The following DOCK4 variants were observed in gnomAD, a reference collection of about 807,000 sequenced individuals.
DOCK4 encodes dedicator of cytokinesis 4, also known as dedicator of cytokinesis protein 4.
DOCK4 carries 97 observed loss-of-function variants against 268.1 expected under a neutral mutation model. The ratio of observed to expected loss-of-function variants is 0.36; its 90% CI spans 0.31 to 0.43. The LOEUF is 0.43. DOCK4 is among the 20% of genes least tolerant of loss of function. The pLI, the probability that DOCK4 is intolerant of heterozygous loss-of-function variation, is 1.00. For synonymous variants in DOCK4, 954 were observed against 887.2 expected, an observed-to-expected ratio of 1.08 and a Z score of -1.34; for missense variants, 2,145 against 2,455.7, an observed-to-expected ratio of 0.87 and a Z score of 2.67.
intron 42 of DOCK4, among the ~76,000 whole-genome samples, chr7:111,749,734 T>C (rs1796506380): frequency 6.6e-6 from 1 of 152,204 alleles, no homozygotes; most frequent in Non-Finnish European, 1.5e-5. Context: ...AAAACATATC[T>C]TCACTTAGCA....
intron 52 of DOCK4, among the ~76,000 whole-genome samples, chr7:111,730,309 TCAGTC>T (rs775825243): frequency 2.0e-5 from 3 of 152,240 alleles, no homozygotes; most frequent in Admixed American, 6.5e-5. Context: ...ATAATTTTGT[TCAGTC>T]CAGTGTTTTC....
In DOCK4 at chr7:111,949,467, T is replaced by A. The variant is rs181232698; in HGVS notation, c.702-3669A>T. Among the ~76,000 whole-genome samples, 112 of 152,322 alleles carry A rather than the reference T, an allele frequency of 7.4e-4. 1 individual carries two copies. In the South Asian group the frequency reaches 0.017, roughly 23 times the overall value. ...ACACAGAATCCTGATTATGCAAGTATTATACTATATCATATCCTGTTTCAG... is the reference window on the plus strand; with the variant it reads ...ACACAGAATCCTGATTATGCAAGTAATATACTATATCATATCCTGTTTCAG... On this transcript the variant is annotated intron_variant, in intron 8 of 52. Transcript: ENST00000428084.
At chr7:111,760,557 G>A (rs1049600359) in intron 39 of DOCK4, among the ~76,000 whole-genome samples, 3 of 152,052 alleles carry the variant, frequency 2.0e-5, no homozygotes, top group Admixed American at 6.6e-5. Flanking sequence ...CACTCTTCCC[G>A]GTTCACTTGC....
intron 1 of DOCK4, among the ~76,000 whole-genome samples, chr7:112,131,619 A>ATGTG (rs1813806905): frequency 6.6e-6 from 1 of 152,224 alleles, no homozygotes; most frequent in African/African-American, 2.4e-5. Context: ...GAAACAGCTA[A>ATGTG]AATGTGATAC....
chr7:111,961,071 C>G (rs1562939382), intron 8 of DOCK4, among the ~76,000 whole-genome samples: 1 of 152,082 alleles, frequency 6.6e-6, no homozygotes, highest in Non-Finnish European at 1.5e-5. Context: ...ATCCCTATCA[C>G]ACGTTTGCTC....
chr7:112,081,821 G>A (rs1210688216), intron 1 of DOCK4, among the ~76,000 whole-genome samples: 1 of 152,076 alleles, frequency 6.6e-6, no homozygotes, highest in East Asian at 1.9e-4. Flanking sequence ...ATAAAAAGAG[G>A]GAAAACTATC....
chr7:111,903,933 A>T (rs1791354505), intron 13 of DOCK4, among the ~76,000 whole-genome samples: 1 of 152,260 alleles, frequency 6.6e-6, no homozygotes, highest in Admixed American at 6.5e-5. Flanking sequence ...GTATAGCTAC[A>T]GGGGTTGTTA....
At chr7:111,852,420 C>T (rs1272925709) in intron 23 of DOCK4, among the ~76,000 whole-genome samples, 2 of 151,302 alleles carry the variant, frequency 1.3e-5, no homozygotes. Context: ...TAAAATAATT[C>T]ATTGCAAGCC....
chr7:112,119,757 G>A (rs562775560), intron 1 of DOCK4, among the ~76,000 whole-genome samples: 2 of 152,066 alleles, frequency 1.3e-5, no homozygotes, highest in South Asian at 4.2e-4. Context: ...GATAATAATG[G>A]AACCCATCTC....
chr7:111,916,991 T>TTG (rs1183049716), intron 12 of DOCK4, among the ~76,000 whole-genome samples: 1 of 92,310 alleles, frequency 1.1e-5, no homozygotes, highest in African/African-American at 3.7e-5. Flanking sequence ...TTTTTTTTTT[T>TTG]TTTTTTTTTT....
At chr7:111,860,245 G>A (rs937474106) in intron 23 of DOCK4, among the ~76,000 whole-genome samples, 1 of 152,212 alleles carries the variant, frequency 6.6e-6, no homozygotes, top group African/African-American at 2.4e-5. Flanking sequence ...AAAGTCACTA[G>A]AAGCACTTTC....
chr7:112,062,610 GT>G (rs982166404), intron 1 of DOCK4, among the ~76,000 whole-genome samples: 13 of 152,124 alleles, frequency 8.5e-5, no homozygotes, highest in Non-Finnish European at 1.6e-4. Flanking sequence ...AAACAATCCT[GT>G]CTGCATCAAT....
At chr7:112,117,442 C>T (rs1374017700) in intron 1 of DOCK4, among the ~76,000 whole-genome samples, 2 of 152,156 alleles carry the variant, frequency 1.3e-5, no homozygotes, top group Non-Finnish European at 2.9e-5. Context: ...GTGGTCTCAG[C>T]TCACTGCAGC....
intron 35 of DOCK4, among the ~76,000 whole-genome samples, chr7:111,778,917 T>C (rs190339817): frequency 1.3e-5 from 2 of 152,014 alleles, no homozygotes; most frequent in Non-Finnish European, 2.9e-5. Flanking sequence ...TAGCTGGGTG[T>C]GGTGGCACAC....
intron 1 of DOCK4, among the ~76,000 whole-genome samples, chr7:112,182,397 T>C (rs559498358): frequency 1.3e-5 from 2 of 152,340 alleles, no homozygotes; most frequent in East Asian, 3.9e-4. Flanking sequence ...ACATAAATGA[T>C]GTGATCACAT....
At position 111,942,607 on chromosome 7, in the gene DOCK4, G is replaced by A. The variant is rs143134078; in HGVS notation, c.844+2204C>T. Among the ~76,000 whole-genome samples, 1,417 of 151,832 alleles carry A rather than the reference G, an allele frequency of 9.3e-3. 24 individuals carry two copies. The highest frequency in any genetic ancestry group is 0.033 in the African/African-American group (1,356 of 41,386). On this transcript the variant is annotated intron_variant, in intron 10 of 52. Transcript: ENST00000428084. The stretch of plus-strand genomic sequence containing the variant: ...CACCTGCTCTGTCCTGACTCATCCC[G>A]GTCACCTGCTTTGACCTGAGTCACC...
chr7:112,060,913 T>C (rs183144250), intron 1 of DOCK4, among the ~76,000 whole-genome samples: 167 of 152,308 alleles, frequency 1.1e-3, no homozygotes, highest in African/African-American at 3.9e-3. Context: ...CACAACACTA[T>C]GAATGTACTT....
At chr7:111,995,435 G>GTGTGTGTGTGTT (rs1447720585) in intron 4 of DOCK4, among the ~76,000 whole-genome samples, 49 of 95,388 alleles carry the variant, frequency 5.1e-4, no homozygotes, top group African/African-American at 2.2e-3. Flanking sequence ...GTGTGTGTGT[G>GTGTGTGTGTGTT]TGTGTGTGTG....
intron 32 of DOCK4, among the ~76,000 whole-genome samples, chr7:111,787,183 T>C (rs1307492182): frequency 6.6e-6 from 1 of 152,202 alleles, no homozygotes; most frequent in East Asian, 1.9e-4. Flanking sequence ...TGTCAGTATT[T>C]ATTAATCTTG....
Sources: allele counts gnomAD v4.1 joint callset (sites outside exome capture counted in the v4.1 genomes callset), GRCh38; gene constraint gnomAD v4.1.1; transcripts MANE v1.5; gene names NCBI Gene and HGNC (gene_info 2026-07-23, HGNC 2026-07-21).